LINGO2: variants seen among roughly 807,000 people sequenced by gnomAD.
LINGO2 encodes the protein leucine rich repeat and Ig domain containing 2.
Under a neutral mutation model 30.6 loss-of-function variants are expected in LINGO2, and 14 were observed. The ratio of observed to expected loss-of-function variants is 0.46; its 90% CI spans 0.30 to 0.72. LINGO2 has a LOEUF of 0.72. Ranked by LOEUF, LINGO2 falls within the 30% of genes least tolerant of loss-of-function variation. The pLI is 0.07. For missense variants in LINGO2, 729 were observed against 751.7 expected, an observed-to-expected ratio of 0.97 and a Z score of 0.35; for synonymous variants, 317 against 288.5, an observed-to-expected ratio of 1.10 and a Z score of -1.00.
At chr9:27,950,036 A>G (rs1823567143) in exon 6 of LINGO2, 4 of 1,614,108 alleles carry the variant, frequency 2.5e-6, no homozygotes, top group Non-Finnish European at 2.5e-6. Context: ...TATTGTTGAT[A>G]TTGAGATGCT....
chr9:28,507,430 C>T (rs1293769912), intron 1 of LINGO2, among the ~76,000 whole-genome samples: 1 of 152,088 alleles, frequency 6.6e-6, no homozygotes, highest in East Asian at 1.9e-4. Context: ...AGTGGTTTCT[C>T]TCTTGAACTC....
At chr9:28,566,058 G>A (rs1823365135) in intron 1 of LINGO2, among the ~76,000 whole-genome samples, 1 of 152,090 alleles carries the variant, frequency 6.6e-6, no homozygotes, top group South Asian at 2.1e-4. Flanking sequence ...GAAGTGGCCT[G>A]CAGAAGTAAC....
the LINGO2 span, among the ~76,000 whole-genome samples, chr9:28,784,833 T>A: frequency 6.6e-6 from 1 of 151,532 alleles, no homozygotes; most frequent in South Asian, 2.1e-4. Flanking sequence ...GCACCTGTAA[T>A]CCTAACTGGG....
the LINGO2 span, among the ~76,000 whole-genome samples, chr9:28,970,209 T>C: frequency 6.6e-6 from 1 of 152,144 alleles, no homozygotes; most frequent in East Asian, 1.9e-4. Flanking sequence ...TGAAAAGAAG[T>C]GGCTGATGAG....
At chr9:28,803,549 A>G in the LINGO2 span, among the ~76,000 whole-genome samples, 1 of 151,876 alleles carries the variant, frequency 6.6e-6, no homozygotes, top group South Asian at 2.1e-4. Context: ...TAGAAAAACA[A>G]AAGCATACTA....
rs113282398 is a variant in LINGO2, at chr9:28,525,999, T to A, written c.-364-49974A>T. ...TGAACCCGGGAGGCAGAGCTTCCAG[T>A]GAGCCGAGATTGCGCCACTGCACTC... On this transcript the variant is annotated intron_variant, in intron 1 of 5. Coordinates refer to ENST00000379992, the Ensembl canonical transcript of LINGO2. 1.4e-3 allele frequency among the ~76,000 whole-genome samples: 179 copies of A among 129,666 alleles called. 1 individual carries two copies. Among genetic ancestry groups the A allele is most frequent in the Middle Eastern group, 5.0e-3 (1 of 200 alleles). 85.1% of individuals were successfully genotyped at this position (129,666 alleles called of 152,430 possible). A position where few individuals can be genotyped will look rare whatever the true frequency, so the allele number is the denominator to read the frequency against.
exon 6 of LINGO2, chr9:27,948,872 C>T (rs750458763): frequency 1.1e-5 from 17 of 1,608,650 alleles, no homozygotes; most frequent in Non-Finnish European, 1.4e-5. Context: ...TCATGTTGAA[C>T]CTCCTGGGTC....
the LINGO2 span, among the ~76,000 whole-genome samples, chr9:28,941,523 TATTATAGTACA>T: frequency 6.6e-6 from 1 of 152,130 alleles, no homozygotes; most frequent in Non-Finnish European, 1.5e-5. Flanking sequence ...AATGTATACA[TATTATAGTACA>T]ATTGTTCTCA....
intron 2 of LINGO2, among the ~76,000 whole-genome samples, chr9:28,418,365 G>C (rs1238893396): frequency 7.1e-6 from 1 of 140,920 alleles, no homozygotes; most frequent in Non-Finnish European, 1.5e-5. Flanking sequence ...TGCAACCTCT[G>C]TCTCCCATGT....
chr9:28,552,763 T>G (rs1331999391), intron 1 of LINGO2, among the ~76,000 whole-genome samples: 1 of 151,710 alleles, frequency 6.6e-6, no homozygotes, highest in Non-Finnish European at 1.5e-5. Context: ...TTTATTTCTA[T>G]TCTTATTTTT....
At chr9:28,905,374 T>A in the LINGO2 span, among the ~76,000 whole-genome samples, 3 of 150,400 alleles carry the variant, frequency 2.0e-5, no homozygotes, top group Non-Finnish European at 3.0e-5. Flanking sequence ...TAGAGTGGGA[T>A]AAAACATTTG....
intron 1 of LINGO2, among the ~76,000 whole-genome samples, chr9:28,519,871 C>A (rs542881090): frequency 1.3e-5 from 2 of 151,992 alleles, no homozygotes; most frequent in African/African-American, 4.8e-5. Context: ...GCCCTTGATC[C>A]CCAATTTTTT....
At chr9:28,942,247 T>C in the LINGO2 span, among the ~76,000 whole-genome samples, 6 of 152,320 alleles carry the variant, frequency 3.9e-5, no homozygotes, top group Non-Finnish European at 8.8e-5. Context: ...TGGAAGTTGT[T>C]TCCTTGAAAA....
At chr9:29,156,529 A>T in the LINGO2 span, among the ~76,000 whole-genome samples, 1 of 152,118 alleles carries the variant, frequency 6.6e-6, no homozygotes, top group African/African-American at 2.4e-5. Flanking sequence ...TTGGTACATG[A>T]TTACATCTCA....
intron 4 of LINGO2, among the ~76,000 whole-genome samples, chr9:28,288,376 T>C (rs907293612): frequency 4.6e-4 from 70 of 152,176 alleles, no homozygotes; most frequent in African/African-American, 1.6e-3. Flanking sequence ...CTCCATTTGA[T>C]TGAAGTGCAG....
At chr9:28,696,002 A>C in the LINGO2 span, among the ~76,000 whole-genome samples, 6 of 151,902 alleles carry the variant, frequency 3.9e-5, no homozygotes, top group Non-Finnish European at 8.8e-5. Flanking sequence ...CTTGATAAAA[A>C]ATAATAGTGA....
In LINGO2 at chr9:28,328,953, T is replaced by A. The variant is rs10968511; in HGVS notation, c.-245-33587A>T. 7.5e-3 allele frequency among the ~76,000 whole-genome samples: 1,141 copies of A among 152,166 alleles called. 98 individuals are homozygous for A. In the East Asian group the frequency reaches 0.18, roughly 24 times the overall value. On this transcript the variant is annotated intron_variant, in intron 3 of 5. Coordinates refer to ENST00000379992, the Ensembl canonical transcript of LINGO2. ...ATACTGGTGCCATTTGACAAAAAAA[T>A]AATATCTAAGAAAACAGTGAAAATT...
At chr9:28,237,829 G>A (rs929440139) in intron 4 of LINGO2, among the ~76,000 whole-genome samples, 1 of 152,006 alleles carries the variant, frequency 6.6e-6, no homozygotes, top group Non-Finnish European at 1.5e-5. Flanking sequence ...ACTCCAGCCT[G>A]GGCAACAGAG....
chr9:28,507,246 C>CAT (rs1453181317), intron 1 of LINGO2, among the ~76,000 whole-genome samples: 3 of 122,782 alleles, frequency 2.4e-5, no homozygotes, highest in East Asian at 2.5e-4. Flanking sequence ...TGCGTGCGTG[C>CAT]GCACATGTGT....
Sources: allele counts gnomAD v4.1 joint callset (sites outside exome capture counted in the v4.1 genomes callset), GRCh38; gene constraint gnomAD v4.1.1; transcripts MANE v1.5; gene names NCBI Gene and HGNC (gene_info 2026-07-23, HGNC 2026-07-21).